The following UNC80 variants were observed in gnomAD, a reference collection of about 807,000 sequenced individuals.
UNC80 encodes the protein protein unc-80 homolog.
UNC80 carries 164 observed loss-of-function variants against 384.6 expected under a neutral mutation model. That is an observed-to-expected ratio of 0.43 (90% CI 0.38 to 0.49). UNC80 has a LOEUF of 0.49. Among genes scored for constraint, UNC80 ranks in the 20% least tolerant of loss-of-function variants. UNC80 has a pLI of 0.00. For missense variants in UNC80, 3,330 were observed against 4,143.0 expected, an observed-to-expected ratio of 0.80 and a Z score of 5.39; for synonymous variants, 1,486 against 1,527.8, an observed-to-expected ratio of 0.97 and a Z score of 0.64.
At chr2:209,888,050 G>C (rs986337358) in intron 25 of UNC80, 45 bp from the exon 26 acceptor site, 5 of 1,548,020 alleles carry the variant, frequency 3.2e-6, no homozygotes, top group Non-Finnish European at 4.4e-6. Flanking sequence ...CCAATGCAGT[G>C]CTGGGGAGAT....
intron 14 of UNC80, among the ~76,000 whole-genome samples, chr2:209,826,679 C>A (rs1004795059): frequency 3.3e-5 from 5 of 152,134 alleles, no homozygotes; most frequent in Non-Finnish European, 7.4e-5. Flanking sequence ...GGTCTTCCAG[C>A]TCATTTTTAT....
At chr2:209,964,614 C>G (rs1281642929) in intron 51 of UNC80, among the ~76,000 whole-genome samples, 2 of 151,898 alleles carry the variant, frequency 1.3e-5, no homozygotes, top group Non-Finnish European at 2.9e-5. Context: ...TAGTGAAACC[C>G]TCGTCTCTAC....
At chr2:209,829,165 C>G in intron 14 of UNC80, 67 bp from the exon 15 acceptor site, 1 of 1,525,686 alleles carries the variant, frequency 6.6e-7, no homozygotes, top group South Asian at 1.2e-5. Flanking sequence ...GCTTCTGTCT[C>G]AGACTACCAG....
Position 209,915,417 on chromosome 2 carries a change from A to C in UNC80, c.5029+1477A>C, listed in dbSNP as rs538801692. Among the ~76,000 whole-genome samples the C allele has an allele frequency of 2.4e-3, 368 of 151,472 alleles. 3 individuals carry two copies. The highest frequency in any genetic ancestry group is 8.4e-3 in the African/African-American group (345 of 41,150). The stretch of plus-strand genomic sequence containing the variant: ...GAGACTCTGTCTCAAAAAAAAAAAA[A>C]AAAAAAACAAAAACTGGGTGAATGT... On this transcript the variant is annotated intron_variant, in intron 31 of 64. Coordinates refer to ENST00000673920, the MANE Select transcript of UNC80 (RefSeq NM_001371986.1).
chr2:209,824,879 G>A (rs1487305120), intron 13 of UNC80, among the ~76,000 whole-genome samples: 1 of 152,186 alleles, frequency 6.6e-6, no homozygotes, highest in Non-Finnish European at 1.5e-5. Flanking sequence ...ACCCAATCAT[G>A]TGGCTATGGA....
intron 26 of UNC80, among the ~76,000 whole-genome samples, chr2:209,890,693 A>G (rs1304720446): frequency 1.3e-5 from 2 of 152,222 alleles, no homozygotes; most frequent in Non-Finnish European, 2.9e-5. Flanking sequence ...TTTCTGTAAA[A>G]CTGGGTTAAC....
intron 25 of UNC80, 71 bp downstream of exon 25, chr2:209,881,165 T>C: frequency 6.8e-7 from 1 of 1,478,618 alleles, no homozygotes; most frequent in African/African-American, 1.4e-5. Flanking sequence ...GTTTCCAAGA[T>C]TCACAGTTTT....
intron 44 of UNC80, 142 bp downstream of exon 44, chr2:209,941,631 C>T: frequency 9.7e-7 from 1 of 1,033,314 alleles, no homozygotes; most frequent in East Asian, 2.8e-5. Context: ...AAATGAAATC[C>T]CCCCATAAAT....
Position 209,954,216 on chromosome 2 carries a change from C to T in UNC80, c.7403C>T (p.Ala2468Val). The change falls in exon 48 of 65, where the codon GCT becomes GTT. Residue 2468 changes from alanine to valine, a missense_variant. This residue lies in a region of UNC80 where 1,049 missense variants were observed against 1,488.6 expected (regional missense o/e 0.70). Coordinates refer to ENST00000673920, the MANE Select transcript of UNC80 (RefSeq NM_001371986.1). The part of the protein sequence containing the change: ...PAAREEIAAT[A>V]ALATSLQALL... ...GCCCGAGAGGAGATTGCGGCCACTG[C>T]TGCTCTTGCGACGTCCCTACAGGCC... 6.4e-7 allele frequency: 1 copy of T among 1,551,058 alleles called. No homozygotes were observed. Among genetic ancestry groups the T allele is most frequent in the Non-Finnish European group, 8.7e-7 (1 of 1,146,924 alleles).
At chr2:209,970,075 C>T in intron 53 of UNC80, 184 bp downstream of exon 53, 1 of 713,930 alleles carries the variant, frequency 1.4e-6, no homozygotes, top group Non-Finnish European at 2.2e-6. Flanking sequence ...GATCCAGGAA[C>T]CCATCCCTAC....
rs903705427 is a variant in UNC80 at position 209,872,438 on chromosome 2, C to T, written c.3628-320C>T. On this transcript the variant is annotated intron_variant, in intron 22 of 64. Coordinates refer to ENST00000673920, the MANE Select transcript of UNC80 (RefSeq NM_001371986.1). The surrounding 1 kb of genome is among the most constrained non-coding windows in gnomAD (Gnocchi z 4.1). The stretch of plus-strand genomic sequence containing the variant: ...TCACTAAAAGCTCTTTCACTCTACA[C>T]TCAAATCGCTGTCACCCTTAAATAT... Among the ~76,000 whole-genome samples, 1 of 152,166 alleles carries T rather than the reference C, an allele frequency of 6.6e-6. No homozygotes were observed. Among genetic ancestry groups the T allele is most frequent in the African/African-American group, 2.4e-5 (1 of 41,426 alleles).
chr2:209,775,093 C>G (rs1032648999), intron 2 of UNC80, among the ~76,000 whole-genome samples: 1 of 152,104 alleles, frequency 6.6e-6, no homozygotes, highest in Admixed American at 6.5e-5. Flanking sequence ...TCCAATATTT[C>G]GTAACTACAT....
chr2:209,776,156 T>A, intron 3 of UNC80, 111 bp downstream of exon 3: 2 of 1,324,858 alleles, frequency 1.5e-6, no homozygotes, highest in South Asian at 3.5e-5. Flanking sequence ...TGTGCATATA[T>A]TATCTCATTT....
rs994561339 is a variant in UNC80 at position 209,995,618 on chromosome 2, A to G, written c.*23A>G. ...TAATTCTGTATCTTGTAAGCTCTGCAGGTATAGAGAAGACATGAAAGTGAT... is the reference window on the plus strand; with the variant it reads ...TAATTCTGTATCTTGTAAGCTCTGCGGGTATAGAGAAGACATGAAAGTGAT... On this transcript the variant is annotated 3_prime_UTR_variant, in exon 65 of 65. Transcript: ENST00000673920. 1 of 1,547,748 alleles carries G rather than the reference A, an allele frequency of 6.5e-7. No homozygotes were observed. Among genetic ancestry groups the G allele is most frequent in the Non-Finnish European group, 8.7e-7 (1 of 1,144,382 alleles).
At chr2:209,968,011 T>A (rs2092785195) in intron 52 of UNC80, 3 of 155,976 alleles carry the variant, frequency 1.9e-5, no homozygotes, top group African/African-American at 7.2e-5. Flanking sequence ...CAAAATACTA[T>A]ATTTAACATA....
intron 7 of UNC80, chr2:209,808,925 T>C: frequency 3.3e-6 from 1 of 304,300 alleles, no homozygotes; most frequent in South Asian, 2.9e-5. Flanking sequence ...CAGGCCCACC[T>C]TAACTCCACT....
intron 22 of UNC80, among the ~76,000 whole-genome samples, chr2:209,853,790 A>G (rs2124846770): frequency 6.6e-6 from 1 of 152,244 alleles, no homozygotes; most frequent in East Asian, 1.9e-4. Flanking sequence ...ATTTATTAGC[A>G]TGAATAACAC....
rs1248613357 is a variant in UNC80, at chr2:209,926,641, T to C, written c.5663-202T>C. On this transcript the variant is annotated intron_variant, in intron 35 of 64. Coordinates refer to ENST00000673920, the MANE Select transcript of UNC80 (RefSeq NM_001371986.1). ...AAATAAAAAAATTAGTCAGATGTGG[T>C]GGCACACCTATGTGGTCCCAGCTAC... Among the ~76,000 whole-genome samples, 4 of 152,240 alleles carry C rather than the reference T, an allele frequency of 2.6e-5. No individual in the cohort carries two copies. In the East Asian group the frequency reaches 7.7e-4, roughly 29 times the overall value.
intron 47 of UNC80, among the ~76,000 whole-genome samples, chr2:209,950,549 T>G (rs115357893): frequency 0.037 from 5,549 of 151,722 alleles, 335 homozygotes; most frequent in African/African-American, 0.12. Context: ...CTTTATTATT[T>G]TCTACCTTTG....
Sources: gnomAD v4.1 joint callset for allele counts (sites outside exome capture counted in the v4.1 genomes callset) on GRCh38, gnomAD v4.1.1 for gene constraint, gnomAD v4.1.1 regional missense constraint, Gnocchi (gnomAD v3.1) non-coding constraint, MANE v1.5 for transcripts, NCBI Gene and HGNC (gene_info 2026-07-23, HGNC 2026-07-21) for gene names.